The following CHRDL1 variants were observed in gnomAD, a reference collection of about 807,000 sequenced individuals.
CHRDL1 encodes chordin-like protein 1.
Under a neutral mutation model 40.9 loss-of-function variants are expected in CHRDL1, and 19 were observed. That is an observed-to-expected ratio of 0.46 (90% CI 0.32 to 0.68). The LOEUF is 0.68. Ranked by LOEUF, CHRDL1 falls within the 30% of genes least tolerant of loss-of-function variation. The pLI, the probability that CHRDL1 is intolerant of heterozygous loss-of-function variation, is 0.03. For missense variants in CHRDL1, 329 were observed against 352.1 expected (o/e 0.93, Z 0.53); for synonymous variants, 136 against 123.4 (o/e 1.10, Z -0.68).
chrX:110,678,232 A>C (rs1023452917), intron 11 of CHRDL1, among the ~76,000 whole-genome samples: 2 of 112,122 alleles, frequency 1.8e-5, no homozygotes, highest in Non-Finnish European at 3.8e-5. Context: ...GGCTTCGTCA[A>C]AGTGTGTGCT....
chrX:110,759,760 A>T lies in CHRDL1; in HGVS notation c.208-6T>A. ...CTGCAAAGCACATTCCCATTCTGAA[A>T]AAGAGAAGGCAATGAGAAAAAATAA... On this transcript the variant is annotated splice_region_variant and splice_polypyrimidine_tract_variant and intron_variant, in intron 3 of 11. Transcript: ENST00000372042. 8.6e-7 allele frequency: 1 copy of T among 1,160,332 alleles called. No homozygotes were observed. The highest frequency in any genetic ancestry group is 1.2e-6 in the Non-Finnish European group (1 of 848,434).
intron 4 of CHRDL1, among the ~76,000 whole-genome samples, chrX:110,723,429 A>T (rs976495446): frequency 8.9e-6 from 1 of 112,014 alleles, no homozygotes; most frequent in African/African-American, 3.3e-5. Context: ...GCTTTTACAT[A>T]CATAATCTCA....
At chrX:110,778,970 C>T (rs1025958438) in intron 2 of CHRDL1, among the ~76,000 whole-genome samples, 2 of 111,423 alleles carry the variant, frequency 1.8e-5, no homozygotes, top group Non-Finnish European at 3.8e-5. Context: ...AGCTGAAGGC[C>T]ATTATCCTTA....
intron 11 of CHRDL1, among the ~76,000 whole-genome samples, chrX:110,677,049 G>A (rs902042974): frequency 1.4e-4 from 15 of 110,547 alleles, no homozygotes; most frequent in Admixed American, 5.8e-4. Context: ...GCCCACCCTG[G>A]ATACTGTGTT....
At chrX:110,750,514 G>A in intron 4 of CHRDL1, among the ~76,000 whole-genome samples, 1 of 112,409 alleles carries the variant, frequency 8.9e-6, no homozygotes. Context: ...TACCCTAGAT[G>A]TGACTCTTAT....
intron 2 of CHRDL1, among the ~76,000 whole-genome samples, chrX:110,770,563 T>A (rs1462259148): frequency 1.8e-5 from 2 of 110,471 alleles, no homozygotes; most frequent in Non-Finnish European, 3.8e-5. Context: ...AGACAGAAAG[T>A]CAATAAGGAA....
intron 7 of CHRDL1, among the ~76,000 whole-genome samples, chrX:110,698,677 G>A (rs754681647): frequency 1.8e-5 from 2 of 111,797 alleles, no homozygotes; most frequent in African/African-American, 6.5e-5. Context: ...CCTATCACTA[G>A]GCCTGTCAAT....
At chrX:110,768,287 T>G (rs928649878) in intron 2 of CHRDL1, among the ~76,000 whole-genome samples, 1 of 112,081 alleles carries the variant, frequency 8.9e-6, no homozygotes, top group African/African-American at 3.2e-5. Flanking sequence ...CGAAAAGAAC[T>G]AAAATTTTTA....
intron 6 of CHRDL1, 117 bp downstream of exon 6, chrX:110,719,718 C>A: frequency 1.8e-4 from 48 of 272,826 alleles, no homozygotes; most frequent in Middle Eastern, 5.7e-4. Flanking sequence ...CCTTTAAAAA[C>A]TAAGGCTACC....
At chrX:110,699,885 G>A (rs2070476591) in intron 7 of CHRDL1, among the ~76,000 whole-genome samples, 1 of 112,282 alleles carries the variant, frequency 8.9e-6, no homozygotes, top group African/African-American at 3.2e-5. Flanking sequence ...GAATGTCCTT[G>A]CATACTTTTT....
At chrX:110,791,602 T>C (rs16986171) in intron 2 of CHRDL1, among the ~76,000 whole-genome samples, 2,769 of 112,335 alleles carry the variant, frequency 0.025, 81 homozygotes, top group African/African-American at 0.084. Flanking sequence ...ACATTTTTCA[T>C]CTGAGCCCAG....
At chrX:110,758,158 C>T (rs1471315065) in intron 4 of CHRDL1, among the ~76,000 whole-genome samples, 1 of 108,829 alleles carries the variant, frequency 9.2e-6, no homozygotes, top group African/African-American at 3.3e-5. Context: ...AGAAGCTCTC[C>T]AGAGTGGCAA....
At chrX:110,710,281 A>G (rs769377121) in intron 6 of CHRDL1, among the ~76,000 whole-genome samples, 4 of 112,246 alleles carry the variant, frequency 3.6e-5, no homozygotes, top group Admixed American at 1.9e-4. Context: ...GGCACATCCA[A>G]TGGTGTTTCT....
intron 4 of CHRDL1, among the ~76,000 whole-genome samples, chrX:110,748,444 C>T (rs988034198): frequency 2.7e-5 from 3 of 111,975 alleles, no homozygotes; most frequent in East Asian, 2.8e-4. Flanking sequence ...ATAAGGAACA[C>T]GTCTTTCAAA....
At chrX:110,697,121 C>T (rs193136933) in intron 7 of CHRDL1, among the ~76,000 whole-genome samples, 1 of 111,060 alleles carries the variant, frequency 9.0e-6, no homozygotes, top group Non-Finnish European at 1.9e-5. Flanking sequence ...TAGCTATGAT[C>T]TTTTATTTTG....
intron 8 of CHRDL1, among the ~76,000 whole-genome samples, chrX:110,691,924 T>C (rs1184175563): frequency 2.3e-4 from 24 of 106,380 alleles, no homozygotes; most frequent in Non-Finnish European, 4.0e-4. Flanking sequence ...TGCCCTTACC[T>C]CTTTTTTTTT....
In CHRDL1 at chrX:110,771,616, T is replaced by A. The variant is rs768278168; in HGVS notation, c.95-8809A>T. Among the ~76,000 whole-genome samples, 6 of 112,092 alleles carry A rather than the reference T, an allele frequency of 5.4e-5. No homozygotes were observed. In the East Asian group the frequency reaches 1.1e-3, roughly 21 times the overall value. On this transcript the variant is annotated intron_variant, in intron 2 of 11. Coordinates refer to ENST00000372042, the MANE Select transcript of CHRDL1 (RefSeq NM_001143981.2). Reference sequence around the variant, plus strand: ...ATTGCCACAGATGCAGAAAAATCATTTGACAAAATTCTACATCCATTCATG... The same window carrying A: ...ATTGCCACAGATGCAGAAAAATCATATGACAAAATTCTACATCCATTCATG...
At chrX:110,767,968 G>A (rs865834859) in intron 2 of CHRDL1, among the ~76,000 whole-genome samples, 8 of 112,240 alleles carry the variant, frequency 7.1e-5, no homozygotes, top group Non-Finnish European at 1.1e-4. Context: ...CACGCTACCT[G>A]ATTTCAAACT....
chrX:110,783,463 A>G (rs1050413444), intron 2 of CHRDL1, among the ~76,000 whole-genome samples: 1 of 112,859 alleles, frequency 8.9e-6, no homozygotes, highest in Non-Finnish European at 1.9e-5. Context: ...CAATTTCAGT[A>G]TATGCTTATA....
Sources: gnomAD v4.1 joint callset for allele counts (sites outside exome capture counted in the v4.1 genomes callset) on GRCh38, gnomAD v4.1.1 for gene constraint, MANE v1.5 for transcripts, NCBI Gene and HGNC (gene_info 2026-07-23, HGNC 2026-07-21) for gene names.